The following SLC4A9 variants were observed in gnomAD, a reference collection of about 807,000 sequenced individuals.
SLC4A9 encodes anion exchange protein 4.
SLC4A9 carries 102 observed loss-of-function variants against 103.2 expected under a neutral mutation model. That is an observed-to-expected ratio of 0.99 (90% CI 0.84 to 1.17). The LOEUF is 1.17. SLC4A9 is among the 50% of genes most tolerant of loss of function. The pLI is 0.00. For missense variants in SLC4A9, 1,091 were observed against 1,193.7 expected, an observed-to-expected ratio of 0.91 and a Z score of 1.27; for synonymous variants, 453 against 483.6, an observed-to-expected ratio of 0.94 and a Z score of 0.83.
Position 140,363,595 on chromosome 5 carries a change from G to C in SLC4A9, c.1079+40G>C, listed in dbSNP as rs1266613440. 2.6e-6 allele frequency: 4 copies of C among 1,554,208 alleles called. No homozygotes were observed. In the East Asian group the frequency reaches 7.3e-5, roughly 28 times the overall value. On this transcript the variant is annotated intron_variant, in intron 8 of 21. Transcript: ENST00000506757. This position sits in a 1 kb window ranked among gnomAD's most constrained non-coding sequence, Gnocchi z 4.5. ...GAGGAAACAAGGGTAGGTGACCTGG[G>C]GGAGGGGAGGAGTCACAGGGAAACT...
At chr5:140,371,388 C>T (rs905864774) in intron 18 of SLC4A9, 63 bp from the exon 19 acceptor site, 9 of 1,588,968 alleles carry the variant, frequency 5.7e-6, no homozygotes, top group Non-Finnish European at 7.8e-6. Flanking sequence ...TGATAGCTAT[C>T]AGTGACACCC....
In SLC4A9 at chr5:140,371,557, A is replaced by C; in HGVS notation, c.2603A>C (p.Gln868Pro). ...LTRVHLFTAIQLACLGLLWII... is the reference protein window; with the variant it reads ...LTRVHLFTAIPLACLGLLWII... The stretch of plus-strand genomic sequence containing the variant: ...AGGGTCCACCTCTTCACAGCCATCC[A>C]GCTTGCCTGTCTGGGGCTGCTTTGG... The change falls in exon 19 of 22, where the codon CAG becomes CCG. Residue 868 changes from glutamine (Q) to proline (P), a missense_variant. Transcript: ENST00000506757. The C allele has an allele frequency of 6.2e-7, 1 of 1,614,026 alleles. No individual in the cohort carries two copies. Among genetic ancestry groups the C allele is most frequent in the Non-Finnish European group, 8.5e-7 (1 of 1,179,898 alleles).
At position 140,361,853 on chromosome 5, in the gene SLC4A9, T is replaced by G. The variant is rs1206175723; in HGVS notation, c.551T>G (p.Leu184Arg). The change falls in exon 4 of 22, where the codon CTG becomes CGG. Residue 184 changes from leucine (L) to arginine (R), a missense_variant. Transcript: ENST00000506757. The part of the protein sequence containing the change: ...RKASDNEEAP[L>R]REQCQNPLRQ... The stretch of plus-strand genomic sequence containing the variant: ...GCTTCTGACAATGAGGAAGCCCCCC[T>G]GAGGGAACAGGTTTGTGGCCCTTCC... The G allele has an allele frequency of 6.2e-7, 1 of 1,613,994 alleles. No homozygotes were observed. Among genetic ancestry groups the G allele is most frequent in the Admixed American group, 1.7e-5 (1 of 60,022 alleles).
At position 140,361,265 on chromosome 5, in the gene SLC4A9, A is replaced by G; in HGVS notation, c.403A>G (p.Arg135Gly). 3 of 1,565,038 alleles carry G rather than the reference A, an allele frequency of 1.9e-6. No homozygotes were observed. Among genetic ancestry groups the G allele is most frequent in the South Asian group, 1.2e-5 (1 of 84,700 alleles). ...AATCCATTCTCCAGAGCAGGTGACC[A>G]GGGTGGAGTCGCTGAGCCCAGAGCT... ...SLLELVEQVT[R>G]VESLSPELRG... The change falls in exon 3 of 22, where the codon AGG (arginine) becomes GGG (glycine). Residue 135 changes from arginine (R) to glycine (G), a missense_variant. Arg to Gly is a moderately radical substitution (Grantham distance 125). Transcript: ENST00000506757.
At chr5:140,362,563 C>G in intron 6 of SLC4A9, 31 bp downstream of exon 6, 1 of 1,596,962 alleles carries the variant, frequency 6.3e-7, no homozygotes, top group East Asian at 2.2e-5. Context: ...TGTGTGCGCG[C>G]GCACGCGTGC....
At position 140,366,149 on chromosome 5, in the gene SLC4A9, A is replaced by T; in HGVS notation, c.1900-2A>T. 6.2e-7 allele frequency: 1 copy of T among 1,613,090 alleles called. No homozygotes were observed. ...CCTGACTGAGTGTCCACTGTGTGCC[A>T]GGTGCGCAAAGGGCTCAGCGACTTC... On this transcript the variant is annotated splice_acceptor_variant, in intron 13 of 21. Transcript: ENST00000506757. LOFTEE classifies it high-confidence loss of function.
rs760142604 is a variant in SLC4A9 at position 140,364,361 on chromosome 5, A to G, written c.1389-2A>G. The G allele has an allele frequency of 3.7e-6, 6 of 1,612,010 alleles. No homozygotes were observed. The highest frequency in any genetic ancestry group is 4.2e-6 in the Non-Finnish European group (5 of 1,179,364). ...CAGCCTTCCTGTCTCTCATCCCCAC[A>G]GAGATTACAGCCTGGACTACCTGCC... On this transcript the variant is annotated splice_acceptor_variant, in intron 10 of 21. Coordinates refer to ENST00000506757, the MANE Select transcript of SLC4A9 (RefSeq NM_031467.3). LOFTEE classifies it high-confidence loss of function.
At chr5:140,360,998 G>T (rs767724367) in intron 2 of SLC4A9, 26 bp downstream of exon 2, 1 of 1,533,770 alleles carries the variant, frequency 6.5e-7, no homozygotes, top group Non-Finnish European at 8.8e-7. Context: ...TTGCAGGAAG[G>T]GCCTGGGTAG....
chr5:140,364,015 G>T (rs1197974897), intron 9 of SLC4A9, 39 bp from the exon 10 acceptor site: 17 of 1,530,758 alleles, frequency 1.1e-5, no homozygotes, highest in Non-Finnish European at 1.5e-5. Context: ...GGACCCCGAG[G>T]ACTTCAGGGT....
intron 18 of SLC4A9, 130 bp from the exon 19 acceptor site, chr5:140,371,321 C>A: frequency 7.1e-7 from 1 of 1,412,188 alleles, no homozygotes; most frequent in Non-Finnish European, 9.9e-7. Context: ...TTTCCTGTCT[C>A]TCCTGGACTC....
intron 11 of SLC4A9, among the ~76,000 whole-genome samples, 177 bp downstream of exon 11, chr5:140,364,802 G>A (rs192769646): frequency 6.6e-6 from 1 of 152,340 alleles, no homozygotes; most frequent in African/African-American, 2.4e-5. Context: ...ACAACAGAAG[G>A]CCTGATATCA....
In SLC4A9 at chr5:140,363,332, C is replaced by T. The variant is rs1767386708; in HGVS notation, c.963-107C>T. ...CCAGGTGTCGCCATGGTTCCCTCGC[C>T]GGCAGAGACAAGAGCAGCCGCTAGG... On this transcript the variant is annotated intron_variant, in intron 7 of 21. Transcript: ENST00000506757. The surrounding 1 kb of genome is among the most constrained non-coding windows in gnomAD (Gnocchi z 4.5). The T allele has an allele frequency of 9.0e-7, 1 of 1,106,722 alleles. No homozygotes were observed. Among genetic ancestry groups the T allele is most frequent in the Admixed American group, 2.5e-5 (1 of 39,360 alleles). The allele number at this position is 1,106,722 out of a possible 1,614,324, so 68.6% of individuals were successfully genotyped here.
At chr5:140,374,518 C>G (rs1769211386) in intron 21 of SLC4A9, among the ~76,000 whole-genome samples, 1 of 144,994 alleles carries the variant, frequency 6.9e-6, no homozygotes, top group Non-Finnish European at 1.5e-5. Flanking sequence ...CCATTGCACT[C>G]CAGCCTGGGC....
chr5:140,371,193 A>G lies in SLC4A9; in HGVS notation c.2496+30A>G, dbSNP rs149780294. On this transcript the variant is annotated intron_variant, in intron 18 of 21. Transcript: ENST00000506757. ...GCCCATTAAAATCACCTAACAAAAG[A>G]AAAAAGAAGAATAAAAAGACAAACA... 4.9e-4 allele frequency: 777 copies of G among 1,586,892 alleles called. 2 individuals are homozygous for G. In the African/African-American group the frequency reaches 8.1e-3, roughly 16 times the overall value.
chr5:140,373,953 G>A (rs1288199077), intron 21 of SLC4A9, among the ~76,000 whole-genome samples: 1 of 152,110 alleles, frequency 6.6e-6, no homozygotes. Flanking sequence ...CAGCACTTTG[G>A]GAGGCAGAGG....
At chr5:140,369,580 C>T (rs972192680) in intron 17 of SLC4A9, among the ~76,000 whole-genome samples, 3 of 151,908 alleles carry the variant, frequency 2.0e-5, no homozygotes, top group Admixed American at 6.6e-5. Context: ...ACTGGCAGGA[C>T]GACAAGAGGT....
Position 140,364,107 on chromosome 5 carries a change from G to T in SLC4A9, c.1308G>T (p.Leu436=). ...GTAVAGAAFC[L]MAGQPLTILS... is the part of the protein sequence containing the mutation. The stretch of plus-strand genomic sequence containing the variant: ...CAGTGGCTGGAGCTGCCTTCTGCCT[G>T]ATGGCAGGCCAGCCCCTCACCATTC... Residue 436 remains leucine (L), a synonymous_variant, in exon 10 of 22, where the codon CTG becomes CTT. Transcript: ENST00000506757. 6.3e-7 allele frequency: 1 copy of T among 1,589,650 alleles called. No homozygotes were observed. Among genetic ancestry groups the T allele is most frequent in the South Asian group, 1.1e-5 (1 of 87,942 alleles).
intron 18 of SLC4A9, 93 bp downstream of exon 18, chr5:140,371,256 T>G: frequency 6.8e-7 from 1 of 1,461,666 alleles, no homozygotes; most frequent in Non-Finnish European, 9.4e-7. Flanking sequence ...TACTCCTTTT[T>G]TCTTTTCTGC....
chr5:140,360,226 G>T lies in SLC4A9; in HGVS notation c.-11G>T, dbSNP rs1485203566. 1.9e-6 allele frequency: 3 copies of T among 1,606,248 alleles called. No individual in the cohort carries two copies. In the South Asian group the frequency reaches 3.3e-5, roughly 18 times the overall value. On this transcript the variant is annotated 5_prime_UTR_variant, in exon 1 of 22. Transcript: ENST00000506757. ...AGGACTGTACTGGTTCTGAGATTCTGTGCAAGCCTCATGGAAATGAAGCTG... is the reference window on the plus strand; with the variant it reads ...AGGACTGTACTGGTTCTGAGATTCTTTGCAAGCCTCATGGAAATGAAGCTG...
Sources: gnomAD v4.1 joint callset for allele counts (sites outside exome capture counted in the v4.1 genomes callset) on GRCh38, gnomAD v4.1.1 for gene constraint, Gnocchi (gnomAD v3.1) non-coding constraint, MANE v1.5 for transcripts, NCBI Gene and HGNC (gene_info 2026-07-23, HGNC 2026-07-21) for gene names.